AEBP2: variants seen among roughly 807,000 people sequenced by gnomAD.
AEBP2 encodes the protein AE binding protein 2.
Under a neutral mutation model 50.8 loss-of-function variants are expected in AEBP2, and 10 were observed. The observed-to-expected ratio is 0.20, with a 90% CI of 0.12 to 0.33. The LOEUF (loss-of-function observed/expected upper bound fraction) is 0.33. Ranked by LOEUF, AEBP2 falls within the 10% of genes least tolerant of loss-of-function variation. The pLI, the probability that AEBP2 is intolerant of heterozygous loss-of-function variation, is 1.00. For missense variants in AEBP2, 570 were observed against 688.0 expected (o/e 0.83, Z 1.92); for synonymous variants, 296 against 261.3 (o/e 1.13, Z -1.28).
At chr12:19,474,798 T>C (rs1288360909) in intron 3 of AEBP2, among the ~76,000 whole-genome samples, 1 of 151,508 alleles carries the variant, frequency 6.6e-6, no homozygotes, top group Non-Finnish European at 1.5e-5. Flanking sequence ...GAATAGTTTT[T>C]TTTTCCCCCC....
intron 1 of AEBP2, among the ~76,000 whole-genome samples, chr12:19,446,221 A>G (rs1948062810): frequency 6.6e-6 from 1 of 152,234 alleles, no homozygotes; most frequent in Non-Finnish European, 1.5e-5. Context: ...GTGATAAGAA[A>G]CATGACGGTA....
intron 1 of AEBP2, among the ~76,000 whole-genome samples, chr12:19,454,893 T>C (rs1281069586): frequency 6.6e-6 from 1 of 152,206 alleles, no homozygotes; most frequent in African/African-American, 2.4e-5. Flanking sequence ...GACCTCAGAC[T>C]GAATTTCAAA....
At chr12:19,457,524 AT>A in intron 1 of AEBP2, 1 of 1,483,016 alleles carries the variant, frequency 6.7e-7, no homozygotes, top group Non-Finnish European at 9.0e-7. Context: ...CTCCTTCTCA[AT>A]TTTTTCAATG....
At chr12:19,438,815 A>T (rs1258312241), upstream of AEBP2, among the ~76,000 whole-genome samples, 3 of 152,182 alleles carry the variant, frequency 2.0e-5, no homozygotes, top group African/African-American at 4.8e-5. Context: ...ACTGTATTTT[A>T]AAAAAATGGA....
chr12:19,505,803 T>G (rs1489927633), intron 5 of AEBP2, among the ~76,000 whole-genome samples: 1 of 152,046 alleles, frequency 6.6e-6, no homozygotes, highest in Non-Finnish European at 1.5e-5. Flanking sequence ...TGAGTCAGAG[T>G]TTCACTGTGT....
chr12:19,466,829 A>AC, intron 2 of AEBP2: 1 of 983,310 alleles, frequency 1.0e-6, no homozygotes, highest in Non-Finnish European at 1.2e-6. Context: ...GATTATTGAA[A>AC]GATGACAGTT....
chr12:19,461,590 A>G lies in AEBP2; in HGVS notation c.672-920A>G, dbSNP rs184757530. 7.6e-4 allele frequency among the ~76,000 whole-genome samples: 100 copies of G among 131,978 alleles called. 2 individuals are homozygous for G. The highest frequency in any genetic ancestry group is 2.4e-3 in the African/African-American group (85 of 34,930). The allele number at this position is 131,978 out of a possible 152,430, so 86.6% of individuals were successfully genotyped here. ...AATGGTGCGATCTCGGCTCACTCCA[A>G]CCTCCGCCTCCTGGGTTCAAGAGAT... On this transcript the variant is annotated intron_variant, in intron 1 of 7. Transcript: ENST00000266508.
At chr12:19,488,876 G>A (rs1184377014) in intron 3 of AEBP2, among the ~76,000 whole-genome samples, 2 of 151,970 alleles carry the variant, frequency 1.3e-5, no homozygotes, top group African/African-American at 4.8e-5. Context: ...CACAACCTCC[G>A]CCTCCCAGGT....
rs749945810 is a variant in AEBP2, at chr12:19,499,910, C to T, written c.1175-187C>T. 2.0e-5 allele frequency among the ~76,000 whole-genome samples: 3 copies of T among 152,140 alleles called. No homozygotes were observed. The East Asian group carries it at 5.8e-4, about 29-fold the overall frequency. On this transcript the variant is annotated intron_variant, in intron 4 of 7. Transcript: ENST00000266508. Reference sequence around the variant, plus strand: ...CCAAGGGTCAGAATTAACCCACATTCACTCATTTGTTGAAATAATGCTTTT... The same window carrying T: ...CCAAGGGTCAGAATTAACCCACATTTACTCATTTGTTGAAATAATGCTTTT...
rs7299970 is a variant in AEBP2, at chr12:19,428,792, T to G, written c.-17+24576T>G. ...CACACCATTGCACTGCAGCCTAGGCTACAAGAGTGAAACTCCATCTCAAAA... is the reference window on the plus strand; with the variant it reads ...CACACCATTGCACTGCAGCCTAGGCGACAAGAGTGAAACTCCATCTCAAAA... On this transcript the variant is annotated intron_variant, in intron 1 of 3. Transcript: ENST00000538425. Among the ~76,000 whole-genome samples, 1,241 of 150,998 alleles carry G rather than the reference T, an allele frequency of 8.2e-3. 15 individuals are homozygous for G. The highest frequency in any genetic ancestry group is 0.025 in the African/African-American group (1,043 of 41,088).
intron 1 of AEBP2, among the ~76,000 whole-genome samples, chr12:19,413,636 G>A (rs1377744638): frequency 6.6e-6 from 1 of 152,166 alleles, no homozygotes; most frequent in African/African-American, 2.4e-5. Flanking sequence ...CAGCCCAGCG[G>A]GCCGCTGGTT....
chr12:19,455,632 G>A (rs1422296207), intron 1 of AEBP2, among the ~76,000 whole-genome samples: 2 of 152,188 alleles, frequency 1.3e-5, no homozygotes, highest in Non-Finnish European at 2.9e-5. Context: ...TGTTCTGGAT[G>A]TATGAGTGAG....
At position 19,470,294 on chromosome 12, in the gene AEBP2, G is replaced by A. The variant is rs150082148; in HGVS notation, c.880-2954G>A. ...TGCCTCAGCCTCCTGAGTAGCTGAG[G>A]TTACAGGCATGTGCCACCACACTCG... On this transcript the variant is annotated intron_variant, in intron 2 of 7. Transcript: ENST00000266508. Among the ~76,000 whole-genome samples the A allele has an allele frequency of 2.8e-4, 42 of 152,058 alleles. No individual in the cohort carries two copies. In the East Asian group the frequency reaches 7.6e-3, roughly 27 times the overall value.
Position 19,501,670 on chromosome 12 carries a change from G to A in AEBP2, c.1299+1449G>A, listed in dbSNP as rs374475348. 2.6e-5 allele frequency among the ~76,000 whole-genome samples: 4 copies of A among 151,552 alleles called. No homozygotes were observed. In the East Asian group the frequency reaches 5.8e-4, roughly 22 times the overall value. ...AAAATTATATATACACTAAATTTGGGTTACTTTTATTTTTTATATTTCAAT... is the reference window on the plus strand; with the variant it reads ...AAAATTATATATACACTAAATTTGGATTACTTTTATTTTTTATATTTCAAT... On this transcript the variant is annotated intron_variant, in intron 5 of 7. Transcript: ENST00000266508.
rs1949372237 is a variant in AEBP2, at chr12:19,519,768, G to A, written c.*1651G>A. On this transcript the variant is annotated 3_prime_UTR_variant, in exon 8 of 8. Transcript: ENST00000266508. ...CTCATTTGCTTTAAAAAATTTAAAA[G>A]TGTAAAAATTATGAGAGACTTTATT... The A allele has an allele frequency of 6.6e-6, 1 of 152,498 alleles. No individual in the cohort carries two copies. The highest frequency in any genetic ancestry group is 1.5e-5 in the Non-Finnish European group (1 of 67,956). 9.4% of individuals were successfully genotyped at this position (152,498 alleles called of 1,614,324 possible).
At chr12:19,486,280 A>C (rs1754731709) in intron 3 of AEBP2, among the ~76,000 whole-genome samples, 1 of 152,194 alleles carries the variant, frequency 6.6e-6, no homozygotes, top group Non-Finnish European at 1.5e-5. Context: ...ATTTGTACGA[A>C]TTGTATCAAG....
At chr12:19,458,638 A>G (rs568119212) in intron 1 of AEBP2, among the ~76,000 whole-genome samples, 1 of 152,344 alleles carries the variant, frequency 6.6e-6, no homozygotes, top group Non-Finnish European at 1.5e-5. Flanking sequence ...GGCAAAGGTA[A>G]TAAGCAAAAG....
intron 7 of AEBP2, among the ~76,000 whole-genome samples, chr12:19,515,690 C>T (rs747905078): frequency 2.0e-5 from 3 of 152,024 alleles, no homozygotes; most frequent in South Asian, 2.1e-4. Context: ...CACGATGCAC[C>T]TTTTTGGAGT....
At chr12:19,477,777 A>T (rs1343264665) in intron 3 of AEBP2, among the ~76,000 whole-genome samples, 1 of 152,158 alleles carries the variant, frequency 6.6e-6, no homozygotes, top group South Asian at 2.1e-4. Context: ...TTTTGGTATT[A>T]GGGTGATACT....
Sources: gnomAD v4.1 joint callset for allele counts (sites outside exome capture counted in the v4.1 genomes callset) on GRCh38, gnomAD v4.1.1 for gene constraint, MANE v1.5 for transcripts, NCBI Gene and HGNC (gene_info 2026-07-23, HGNC 2026-07-21) for gene names.